The following TMPRSS15 variants were observed in gnomAD, a reference collection of about 807,000 sequenced individuals.
TMPRSS15 encodes transmembrane serine protease 15, also known as enteropeptidase.
TMPRSS15 carries 128 observed loss-of-function variants against 125.3 expected under a neutral mutation model. That is an observed-to-expected ratio of 1.02 (90% CI 0.89 to 1.18). The LOEUF is 1.18. Ranked by LOEUF, TMPRSS15 falls within the 50% of genes most tolerant of loss-of-function variation. The probability of loss-of-function intolerance (pLI) is 0.00; values close to 1 mark genes in which losing one functional copy is unlikely to be tolerated. For missense variants in TMPRSS15, 1,283 were observed against 1,212.7 expected, an observed-to-expected ratio of 1.06 and a Z score of -0.86; for synonymous variants, 446 against 423.2, an observed-to-expected ratio of 1.05 and a Z score of -0.66.
At chr21:18,479,790 G>A (rs536185871) in intron 1 of TMPRSS15, among the ~76,000 whole-genome samples, 1 of 152,116 alleles carries the variant, frequency 6.6e-6, no homozygotes, top group Non-Finnish European at 1.5e-5. Flanking sequence ...AATATTGGTG[G>A]GATGGTAAAT....
chr21:18,449,149 A>G (rs9974922), intron 1 of TMPRSS15, among the ~76,000 whole-genome samples: 14,060 of 152,158 alleles, frequency 0.092, 1,848 homozygotes, highest in African/African-American at 0.3. Context: ...GAGAAATTTA[A>G]TATTTCTCAA....
chr21:18,479,055 A>C (rs901012276), intron 1 of TMPRSS15, among the ~76,000 whole-genome samples: 2 of 151,948 alleles, frequency 1.3e-5, no homozygotes, highest in Non-Finnish European at 2.9e-5. Flanking sequence ...GAAAATCTGA[A>C]ATTGGAAATG....
chr21:18,361,128 A>G (rs1306335161), intron 7 of TMPRSS15, among the ~76,000 whole-genome samples: 1 of 152,160 alleles, frequency 6.6e-6, no homozygotes. Flanking sequence ...AAAGTGTGAC[A>G]GGTTCATCAG....
chr21:18,343,482 T>A lies in TMPRSS15; in HGVS notation c.1428+24A>T, dbSNP rs769574661. ...TTCCACCACAAAAAGGATACAAATA[T>A]AAATAATAAAGTATTTTGCAAACCT... On this transcript the variant is annotated intron_variant, in intron 12 of 24. Coordinates refer to ENST00000284885, the MANE Select transcript of TMPRSS15 (RefSeq NM_002772.3). 18 of 1,560,048 alleles carry A rather than the reference T, an allele frequency of 1.2e-5. No homozygotes were observed. The South Asian group carries it at 1.9e-4, about 17-fold the overall frequency.
At chr21:18,428,343 A>G (rs937271757) in intron 1 of TMPRSS15, among the ~76,000 whole-genome samples, 36 of 152,162 alleles carry the variant, frequency 2.4e-4, no homozygotes, top group Admixed American at 2.2e-3. Flanking sequence ...GAAAGGAAAA[A>G]CCCATCTTCC....
In TMPRSS15 at chr21:18,343,629, A is replaced by G. The variant is rs2075473742; in HGVS notation, c.1305T>C (p.His435=). ...FWYHMYGENV[H]KLSINISNDQ... ...CATTGCTGATATTAATGCTTAATTTATGGACATTTTCACCATACATATGAT... is the reference window on the plus strand; with the variant it reads ...CATTGCTGATATTAATGCTTAATTTGTGGACATTTTCACCATACATATGAT... Residue 435 remains histidine, a synonymous_variant, in exon 12 of 25, where the codon CAT becomes CAC. Transcript: ENST00000284885. The G allele has an allele frequency of 3.7e-6, 6 of 1,613,712 alleles. No homozygotes were observed. The highest frequency in any genetic ancestry group is 5.1e-6 in the Non-Finnish European group (6 of 1,179,796).
chr21:18,396,564 G>C (rs1487622829), intron 3 of TMPRSS15, among the ~76,000 whole-genome samples: 1 of 151,982 alleles, frequency 6.6e-6, no homozygotes, highest in Non-Finnish European at 1.5e-5. Context: ...CACGAGGTCA[G>C]GAGATCGAGA....
intron 8 of TMPRSS15, among the ~76,000 whole-genome samples, chr21:18,355,058 G>T (rs763927906): frequency 6.6e-6 from 1 of 151,816 alleles, no homozygotes; most frequent in Non-Finnish European, 1.5e-5. Flanking sequence ...TCCCCAAAAT[G>T]TGTGTCATGC....
chr21:18,325,253 T>C (rs914395903), intron 16 of TMPRSS15, among the ~76,000 whole-genome samples: 3 of 151,682 alleles, frequency 2.0e-5, no homozygotes, highest in Non-Finnish European at 4.4e-5. Flanking sequence ...TTTTTATTGA[T>C]CCATGTCACT....
chr21:18,454,485 C>A (rs774747128), intron 1 of TMPRSS15, among the ~76,000 whole-genome samples: 6 of 151,924 alleles, frequency 3.9e-5, no homozygotes, highest in Non-Finnish European at 7.4e-5. Flanking sequence ...TGAGAAGTCC[C>A]GTGATATGCC....
intron 1 of TMPRSS15, among the ~76,000 whole-genome samples, chr21:18,429,704 C>T (rs1474188706): frequency 6.6e-6 from 1 of 152,176 alleles, no homozygotes; most frequent in Non-Finnish European, 1.5e-5. Flanking sequence ...ACCTCTTTTT[C>T]TTCCCAGTCT....
At chr21:18,305,291 C>A (rs993552733) in intron 18 of TMPRSS15, among the ~76,000 whole-genome samples, 3 of 149,290 alleles carry the variant, frequency 2.0e-5, no homozygotes, top group Non-Finnish European at 1.5e-5. Flanking sequence ...CGGGTTCACG[C>A]CATTCTCCTG....
chr21:18,415,174 T>G (rs577233956), intron 1 of TMPRSS15, among the ~76,000 whole-genome samples: 39 of 152,312 alleles, frequency 2.6e-4, no homozygotes, highest in African/African-American at 9.4e-4. Flanking sequence ...GAAATGTCTA[T>G]CAGGGTGCAT....
At chr21:18,284,693 A>G (rs1391932402) in intron 21 of TMPRSS15, among the ~76,000 whole-genome samples, 2 of 152,168 alleles carry the variant, frequency 1.3e-5, no homozygotes, top group Admixed American at 1.3e-4. Context: ...GAAATCCCCA[A>G]TCCGGTGGAG....
upstream of TMPRSS15, among the ~76,000 whole-genome samples, chr21:18,407,344 G>C (rs1257958096): frequency 6.6e-6 from 1 of 151,750 alleles, no homozygotes; most frequent in East Asian, 1.9e-4. Flanking sequence ...GGAGACATAA[G>C]ATTGAAGTCT....
At position 18,398,246 on chromosome 21, in the gene TMPRSS15, T is replaced by C. The variant is rs138111932; in HGVS notation, c.229A>G (p.Lys77Glu). 5 of 1,613,898 alleles carry C rather than the reference T, an allele frequency of 3.1e-6. No individual in the cohort carries two copies. Among genetic ancestry groups the C allele is most frequent in the Non-Finnish European group, 4.2e-6 (5 of 1,179,808 alleles). The change falls in exon 2 of 25, where the codon AAA (lysine) becomes GAA (glutamate). Residue 77 changes from lysine to glutamate, a missense_variant. Physicochemically the swap from Lys to Glu is moderately conservative, Grantham distance 56. Coordinates refer to ENST00000284885, the MANE Select transcript of TMPRSS15 (RefSeq NM_002772.3). ...AGAACTTTGAAATCCACTGAGAGTT[T>C]GTCTTGCAAATTAGGATTATATGTA... Reference protein sequence around the residue: ...GVTYNPNLQDKLSVDFKVLAF... With the variant: ...GVTYNPNLQDELSVDFKVLAF...
intron 10 of TMPRSS15, among the ~76,000 whole-genome samples, chr21:18,346,570 T>C (rs1299419037): frequency 6.6e-6 from 1 of 152,224 alleles, no homozygotes; most frequent in East Asian, 1.9e-4. Context: ...TTCAGTTTGC[T>C]TCTTTAATTT....
At chr21:18,272,839 T>C (rs979214634) in intron 24 of TMPRSS15, among the ~76,000 whole-genome samples, 6 of 152,212 alleles carry the variant, frequency 3.9e-5, no homozygotes, top group African/African-American at 1.4e-4. Flanking sequence ...TCTAGTGAGA[T>C]GCTATATTTA....
At chr21:18,416,818 C>A (rs576643089) in intron 1 of TMPRSS15, among the ~76,000 whole-genome samples, 1 of 152,070 alleles carries the variant, frequency 6.6e-6, no homozygotes, top group African/African-American at 2.4e-5. Context: ...CCTACTAACA[C>A]CTTAGATGTA....
Sources: allele counts gnomAD v4.1 joint callset (sites outside exome capture counted in the v4.1 genomes callset), GRCh38; gene constraint gnomAD v4.1.1; transcripts MANE v1.5; gene names NCBI Gene and HGNC (gene_info 2026-07-23, HGNC 2026-07-21).